Variants in EFHC1 observed in about 807,000 individuals in gnomAD.
EFHC1 encodes EF-hand domain-containing protein 1.
EFHC1 carries 53 observed loss-of-function variants against 69.9 expected under a neutral mutation model. The observed-to-expected ratio is 0.76, with a 90% confidence interval of 0.61 to 0.95. The LOEUF is 0.95. Ranked by LOEUF, EFHC1 falls within the 40% of genes least tolerant of loss-of-function variation. The pLI is 0.00. For missense variants in EFHC1, 739 were observed against 798.7 expected (o/e 0.93, Z 0.90); for synonymous variants, 256 against 278.4 (o/e 0.92, Z 0.80).
intron 2 of EFHC1, among the ~76,000 whole-genome samples, chr6:52,426,801 T>C (rs769370380): frequency 6.6e-6 from 1 of 152,178 alleles, no homozygotes; most frequent in Non-Finnish European, 1.5e-5. Context: ...GTCAAATATC[T>C]CTCACTTTCA....
At chr6:52,434,605 T>G (rs1764489794) in intron 2 of EFHC1, among the ~76,000 whole-genome samples, 1 of 152,070 alleles carries the variant, frequency 6.6e-6, no homozygotes, top group Admixed American at 6.5e-5. Flanking sequence ...TTACCTAATT[T>G]ATTCCTGCAG....
intron 9 of EFHC1, among the ~76,000 whole-genome samples, chr6:52,480,728 A>G (rs73445994): frequency 0.018 from 2,817 of 152,292 alleles, 96 homozygotes; most frequent in African/African-American, 0.064. Flanking sequence ...CTTTTCAGGA[A>G]GAGGAAATAG....
At chr6:52,433,104 T>G (rs184904623) in intron 2 of EFHC1, among the ~76,000 whole-genome samples, 1 of 152,282 alleles carries the variant, frequency 6.6e-6, no homozygotes, top group East Asian at 1.9e-4. Flanking sequence ...CTTTTTTATT[T>G]CCTTAAATTG....
At chr6:52,489,971 GT>G (rs1482222668) in intron 9 of EFHC1, among the ~76,000 whole-genome samples, 168 bp from the exon 10 acceptor site, 1 of 152,194 alleles carries the variant, frequency 6.6e-6, no homozygotes, top group Non-Finnish European at 1.5e-5. Context: ...CCTTCCTGAT[GT>G]GGAGGTCAGC....
At position 52,494,343 on chromosome 6, in the gene EFHC1, G is replaced by T; in HGVS notation, c.*2002G>T. ...GGCTTAGAAGCCTGTGGTAAAGAGT[G>T]TGTGTATACTGGGGTGATGATAGTG... On this transcript the variant is annotated 3_prime_UTR_variant, in exon 11 of 11. Transcript: ENST00000371068. 1 of 454,112 alleles carries T rather than the reference G, an allele frequency of 2.2e-6. No homozygotes were observed. Among genetic ancestry groups the T allele is most frequent in the Non-Finnish European group, 4.4e-6 (1 of 226,796 alleles). The allele number at this position is 454,112 out of a possible 1,614,324, so 28.1% of individuals were successfully genotyped here. A position where few individuals can be genotyped will look rare whatever the true frequency, so the allele number is the denominator to read the frequency against.
chr6:52,490,362 T>C lies in EFHC1; in HGVS notation c.1851+12T>C. 1.2e-6 allele frequency: 2 copies of C among 1,610,328 alleles called. No homozygotes were observed. Among genetic ancestry groups the C allele is most frequent in the Non-Finnish European group, 1.7e-6 (2 of 1,176,598 alleles). On this transcript the variant is annotated intron_variant, in intron 10 of 10. Transcript: ENST00000371068. ...CCTTGGTTAAGGAGGTCAGTATGAA[T>C]TACTCTTCTGAGTTCATTGCAGAGG... is the stretch of plus-strand genomic sequence containing the variant.
intron 2 of EFHC1, among the ~76,000 whole-genome samples, chr6:52,432,117 A>G (rs1046623502): frequency 2.6e-5 from 4 of 152,146 alleles, no homozygotes; most frequent in Admixed American, 2.6e-4. Context: ...TCTTGAAGGC[A>G]GCAGATGGTT....
At chr6:52,471,101 C>T (rs59253208) in intron 7 of EFHC1, among the ~76,000 whole-genome samples, 29,475 of 152,162 alleles carry the variant, frequency 0.19, 3,284 homozygotes, top group Admixed American at 0.34. Context: ...CAATGAGAAC[C>T]GCAGAAGTGA....
chr6:52,460,327 T>C (rs1477459904), intron 5 of EFHC1, among the ~76,000 whole-genome samples: 4 of 152,102 alleles, frequency 2.6e-5, no homozygotes, highest in Non-Finnish European at 5.9e-5. Context: ...ATAAATACAA[T>C]ATAAATAAGC....
Position 52,479,239 on chromosome 6 carries a change from C to G in EFHC1, c.1481C>G (p.Ala494Gly). ...GGCCCCAGTGACTTCTTCATTGGTG[C>G]TGTGATTGAAGGTAGGTCTAAACAC... ...YYGPSDFFIG[A>G]VIEVFGHRFI... is the part of the protein sequence containing the mutation. The change falls in exon 8 of 11, where the codon GCT (alanine) becomes GGT (glycine). Residue 494 changes from alanine to glycine, a missense_variant. Coordinates refer to ENST00000371068, the MANE Select transcript of EFHC1 (RefSeq NM_018100.4). 1.9e-6 allele frequency: 3 copies of G among 1,614,022 alleles called. No individual in the cohort carries two copies. The highest frequency in any genetic ancestry group is 1.7e-6 in the Non-Finnish European group (2 of 1,179,976).
chr6:52,423,469 T>A (rs1764232365), intron 1 of EFHC1, among the ~76,000 whole-genome samples: 1 of 152,106 alleles, frequency 6.6e-6, no homozygotes, highest in African/African-American at 2.4e-5. Context: ...TGTTTTAACT[T>A]AAAATACAGA....
At chr6:52,452,080 T>G (rs2025226) in intron 3 of EFHC1, among the ~76,000 whole-genome samples, 28,985 of 152,160 alleles carry the variant, frequency 0.19, 3,234 homozygotes, top group Admixed American at 0.34. Context: ...TAAATTTGAT[T>G]GATTTAAATT....
intron 7 of EFHC1, among the ~76,000 whole-genome samples, chr6:52,475,725 T>G (rs1405585363): frequency 6.6e-6 from 1 of 152,240 alleles, no homozygotes; most frequent in Admixed American, 6.5e-5. Flanking sequence ...GTTTAATTAT[T>G]AATTCATTCA....
chr6:52,477,742 G>A (rs978782072), intron 7 of EFHC1, among the ~76,000 whole-genome samples: 1 of 152,182 alleles, frequency 6.6e-6, no homozygotes, highest in Non-Finnish European at 1.5e-5. Context: ...TCTCACACCA[G>A]TTAGAATGGC....
At chr6:52,422,706 C>T (rs1280762649) in intron 1 of EFHC1, among the ~76,000 whole-genome samples, 2 of 152,030 alleles carry the variant, frequency 1.3e-5, no homozygotes, top group African/African-American at 4.8e-5. Context: ...AAACCATTAA[C>T]ATAACCTCTA....
chr6:52,473,052 T>G (rs1280939498), intron 7 of EFHC1, among the ~76,000 whole-genome samples: 1 of 152,160 alleles, frequency 6.6e-6, no homozygotes, highest in Non-Finnish European at 1.5e-5. Flanking sequence ...ATTCTATAAT[T>G]TAAGTGGAGA....
intron 4 of EFHC1, chr6:52,453,588 T>A (rs1402916202): frequency 1.6e-6 from 2 of 1,272,670 alleles, no homozygotes; most frequent in South Asian, 2.6e-5. Flanking sequence ...TATTTAAAGA[T>A]TGTGTTTATT....
chr6:52,430,186 G>A (rs946244323), intron 2 of EFHC1: 3 of 152,100 alleles, frequency 2.0e-5, no homozygotes, highest in Non-Finnish European at 4.4e-5. Flanking sequence ...TACCTATTTG[G>A]ATGACCTTTA....
chr6:52,452,093 T>TTGAAAA (rs1156743342), intron 3 of EFHC1, among the ~76,000 whole-genome samples: 2 of 152,222 alleles, frequency 1.3e-5, no homozygotes, highest in Admixed American at 6.5e-5. Context: ...TTTAAATTAT[T>TTGAAAA]TGAAAACAGT....
Sources: gnomAD v4.1 joint callset for allele counts (sites outside exome capture counted in the v4.1 genomes callset) on GRCh38, gnomAD v4.1.1 for gene constraint, MANE v1.5 for transcripts, NCBI Gene and HGNC (gene_info 2026-07-23, HGNC 2026-07-21) for gene names.